TFDP2: variants seen among roughly 807,000 people sequenced by gnomAD.
TFDP2 encodes the protein transcription factor Dp-2, also known as transcription factor Dp-2 (E2F dimerization partner 2).
TFDP2 carries 17 observed loss-of-function variants against 59.3 expected under a neutral mutation model. That is an observed-to-expected ratio of 0.29 (90% CI 0.20 to 0.43). The LOEUF is 0.43. TFDP2 is among the 20% of genes least tolerant of loss of function. The pLI is 1.00. For synonymous variants in TFDP2, 180 were observed against 194.7 expected, an observed-to-expected ratio of 0.92 and a Z score of 0.63; for missense variants, 391 against 528.8, an observed-to-expected ratio of 0.74 and a Z score of 2.56.
chr3:142,063,723 A>G (rs1188697432), intron 3 of TFDP2, among the ~76,000 whole-genome samples: 5 of 152,240 alleles, frequency 3.3e-5, no homozygotes, highest in Admixed American at 6.5e-5. Flanking sequence ...TTTATTTTAG[A>G]CAGTGCTCCT....
At chr3:141,953,379 T>G (rs567699011) in intron 11 of TFDP2, among the ~76,000 whole-genome samples, 1 of 152,194 alleles carries the variant, frequency 6.6e-6, no homozygotes, top group East Asian at 1.9e-4. Flanking sequence ...ACAAAAGACC[T>G]GGACTGTGGT....
chr3:142,142,082 C>T (rs186894144), intron 1 of TFDP2, among the ~76,000 whole-genome samples: 93 of 152,214 alleles, frequency 6.1e-4, no homozygotes, highest in Admixed American at 5.2e-3. Flanking sequence ...CAACAAAGTA[C>T]TGGAAGTCCT....
intron 3 of TFDP2, among the ~76,000 whole-genome samples, chr3:142,036,391 C>A (rs1344038875): frequency 1.3e-5 from 2 of 152,198 alleles, no homozygotes; most frequent in African/African-American, 4.8e-5. Flanking sequence ...AAGATATTCA[C>A]AACTATCTGA....
chr3:141,952,736 T>A (rs149732357), intron 12 of TFDP2, 40 bp from the exon 13 acceptor site: 2 of 1,603,648 alleles, frequency 1.2e-6, no homozygotes, highest in Non-Finnish European at 1.7e-6. Flanking sequence ...ATTAATGTGG[T>A]ATAAACAGTT....
rs563820952 is a variant in TFDP2, at chr3:142,123,411, G to C, written c.-92-21570C>G. ...AGCCTCCCAAAGTGCTGGGATTAGA[G>C]GCGTGAGCCATCGCGCCCAGCAATT... On this transcript the variant is annotated intron_variant, in intron 1 of 12. Transcript: ENST00000489671. Among the ~76,000 whole-genome samples the C allele has an allele frequency of 6.6e-5, 10 of 152,326 alleles. 1 individual carries two copies. Among genetic ancestry groups the C allele is most frequent in the African/African-American group, 2.4e-4 (10 of 41,578 alleles).
chr3:142,052,082 C>T (rs1018449964), intron 3 of TFDP2, among the ~76,000 whole-genome samples: 5 of 151,976 alleles, frequency 3.3e-5, no homozygotes, highest in Non-Finnish European at 1.5e-5. Context: ...GCTGTGACTG[C>T]ACTACTGCAC....
intron 3 of TFDP2, among the ~76,000 whole-genome samples, chr3:142,090,263 G>A (rs1185734350): frequency 6.6e-6 from 1 of 152,122 alleles, no homozygotes; most frequent in African/African-American, 2.4e-5. Flanking sequence ...CCTGGGCATA[G>A]CAAAACCCTG....
At chr3:141,965,918 T>C (rs957419716) in intron 9 of TFDP2, among the ~76,000 whole-genome samples, 8 of 152,122 alleles carry the variant, frequency 5.3e-5, no homozygotes, top group South Asian at 2.1e-4. Flanking sequence ...AAGAATTACA[T>C]GCTTAAATAC....
chr3:142,134,343 C>G (rs1249426914), intron 1 of TFDP2, among the ~76,000 whole-genome samples: 1 of 125,346 alleles, frequency 8.0e-6, no homozygotes, highest in Non-Finnish European at 1.6e-5. Flanking sequence ...AGCGAGACCC[C>G]ATCTCAAAAA....
chr3:142,148,603 A>C (rs1476039113), intron 1 of TFDP2, among the ~76,000 whole-genome samples: 1 of 152,198 alleles, frequency 6.6e-6, no homozygotes, highest in Non-Finnish European at 1.5e-5. Context: ...GCGCTCATCC[A>C]CTTCGTTGTA....
chr3:142,140,659 C>T (rs1164692264), intron 1 of TFDP2, among the ~76,000 whole-genome samples: 2 of 152,220 alleles, frequency 1.3e-5, no homozygotes, highest in African/African-American at 4.8e-5. Context: ...TGGAGGTCCA[C>T]TCCAGACCCC....
At chr3:142,059,846 T>G (rs1226057531) in intron 3 of TFDP2, among the ~76,000 whole-genome samples, 1 of 151,934 alleles carries the variant, frequency 6.6e-6, no homozygotes, top group Non-Finnish European at 1.5e-5. Flanking sequence ...CCTCCCAAAG[T>G]GCTGGGATTA....
chr3:142,025,071 G>T (rs969134233), intron 3 of TFDP2, among the ~76,000 whole-genome samples: 1 of 151,852 alleles, frequency 6.6e-6, no homozygotes, highest in Non-Finnish European at 1.5e-5. Context: ...ATTATGACTG[G>T]AAGTATTTAC....
chr3:142,147,323 A>ACT, intron 1 of TFDP2, among the ~76,000 whole-genome samples: 1 of 152,256 alleles, frequency 6.6e-6, no homozygotes, highest in Non-Finnish European at 1.5e-5. Flanking sequence ...ATCTAAAAGA[A>ACT]CTCTCAATCT....
chr3:142,040,114 AACACACAC>A (rs61576382), intron 3 of TFDP2, among the ~76,000 whole-genome samples: 2,317 of 150,420 alleles, frequency 0.015, 61 homozygotes, highest in African/African-American at 0.054. Flanking sequence ...CACAAAATAA[AACACACAC>A]ACACACACAC....
intron 6 of TFDP2, among the ~76,000 whole-genome samples, chr3:141,983,265 A>T (rs1001855922): frequency 2.0e-5 from 3 of 152,168 alleles, no homozygotes; most frequent in Non-Finnish European, 4.4e-5. Context: ...TAAGCAAAAA[A>T]TGTCTCTAGT....
chr3:141,987,241 T>C (rs191790489), intron 6 of TFDP2, among the ~76,000 whole-genome samples: 3 of 151,860 alleles, frequency 2.0e-5, no homozygotes, highest in Admixed American at 2.0e-4. Context: ...TATTCACTAC[T>C]AAATGTAATG....
chr3:142,069,530 T>C (rs1183546723), intron 3 of TFDP2, among the ~76,000 whole-genome samples: 1 of 152,240 alleles, frequency 6.6e-6, no homozygotes, highest in African/African-American at 2.4e-5. Flanking sequence ...TGTACTAATT[T>C]ATGTTCCCAC....
intron 1 of TFDP2, among the ~76,000 whole-genome samples, chr3:142,130,322 G>A (rs954246930): frequency 6.6e-6 from 1 of 152,046 alleles, no homozygotes; most frequent in Non-Finnish European, 1.5e-5. Flanking sequence ...ATTATGCAAA[G>A]TGAAATAGGC....
Sources: gnomAD v4.1 joint callset for allele counts (sites outside exome capture counted in the v4.1 genomes callset) on GRCh38, gnomAD v4.1.1 for gene constraint, MANE v1.5 for transcripts, NCBI Gene and HGNC (gene_info 2026-07-23, HGNC 2026-07-21) for gene names.